The following DCDC1 variants were observed in gnomAD, a reference collection of about 807,000 sequenced individuals.
DCDC1 encodes doublecortin domain containing 1, also known as doublecortin domain-containing protein 1.
A neutral mutation model predicts 178.3 loss-of-function variants in DCDC1; 200 were observed. The ratio of observed to expected loss-of-function variants is 1.12; its 90% CI spans 1.00 to 1.26. The LOEUF (loss-of-function observed/expected upper bound fraction) is 1.26, where lower values mean the gene tolerates loss of function less well. Ranked by LOEUF, DCDC1 falls within the 50% of genes most tolerant of loss-of-function variation. The probability of loss-of-function intolerance (pLI) is 0.00; values close to 1 mark genes in which losing one functional copy is unlikely to be tolerated. For synonymous variants in DCDC1, 690 were observed against 604.8 expected (o/e 1.14, Z -2.07); for missense variants, 1,983 against 1,749.2 (o/e 1.13, Z -2.38).
intron 20 of DCDC1, among the ~76,000 whole-genome samples, chr11:30,957,767 A>G (rs573844360): frequency 2.2e-4 from 33 of 152,306 alleles, no homozygotes; most frequent in South Asian, 2.1e-3. Flanking sequence ...TGGGTGTGGT[A>G]ATATCCTTCA....
chr11:31,246,160 A>C (rs1364631089), intron 8 of DCDC1, among the ~76,000 whole-genome samples: 1 of 152,056 alleles, frequency 6.6e-6, no homozygotes, highest in African/African-American at 2.4e-5. Context: ...GCATTTCAAG[A>C]AGCACAGGGA....
intron 20 of DCDC1, among the ~76,000 whole-genome samples, chr11:31,038,862 TG>T (rs1954252180): frequency 6.8e-6 from 1 of 146,842 alleles, no homozygotes; most frequent in Admixed American, 6.8e-5. Context: ...TATCTTTTGA[TG>T]AAAAAAAAAA....
rs565604754 is a variant in DCDC1 at position 31,212,395 on chromosome 11, G to C, written c.1221+29055C>G. ...TCAAAACACACTAAAAAATGTATAA[G>C]ACAAAGGACAAATTTAGGGAGAAAT... On this transcript the variant is annotated intron_variant, in intron 9 of 38. Transcript: ENST00000684477. Among the ~76,000 whole-genome samples the C allele has an allele frequency of 1.7e-4, 26 of 151,974 alleles. 1 individual carries two copies. In the South Asian group the frequency reaches 5.2e-3, roughly 30 times the overall value.
chr11:31,325,033 A>G (rs897557197), intron 3 of DCDC1, among the ~76,000 whole-genome samples: 9 of 152,202 alleles, frequency 5.9e-5, no homozygotes, highest in African/African-American at 2.2e-4. Flanking sequence ...AAAAAATACT[A>G]TAACTTCCCA....
At chr11:31,315,450 C>T (rs1222029218) in intron 3 of DCDC1, among the ~76,000 whole-genome samples, 1 of 151,144 alleles carries the variant, frequency 6.6e-6, no homozygotes, top group African/African-American at 2.4e-5. Context: ...CATCCTCCTG[C>T]CTCAGCCTCC....
At chr11:30,973,476 C>T (rs977296139) in intron 20 of DCDC1, among the ~76,000 whole-genome samples, 7 of 151,912 alleles carry the variant, frequency 4.6e-5, no homozygotes, top group African/African-American at 7.3e-5. Context: ...TACAGCAATG[C>T]GAGAACACAT....
rs1415183926 is a variant in DCDC1 at position 31,253,354 on chromosome 11, AG to A, written c.1055-11739del. ...ATCGTAGATATTAGGAGAGTTTTGGAGATTTTTTTTTTTTTTTTTTGAGATG... is the reference window on the plus strand; with the variant it reads ...ATCGTAGATATTAGGAGAGTTTTGGAATTTTTTTTTTTTTTTTTTGAGATG... On this transcript the variant is annotated intron_variant, in intron 8 of 38. Coordinates refer to ENST00000684477, the MANE Select transcript of DCDC1 (RefSeq NM_001387274.1). Among the ~76,000 whole-genome samples the A allele has an allele frequency of 3.4e-3, 502 of 149,460 alleles. 3 individuals are homozygous for A. The highest frequency in any genetic ancestry group is 6.0e-3 in the Non-Finnish European group (402 of 67,218).
At chr11:31,194,530 C>G (rs1283391730) in intron 9 of DCDC1, among the ~76,000 whole-genome samples, 3 of 151,940 alleles carry the variant, frequency 2.0e-5, no homozygotes, top group African/African-American at 7.3e-5. Flanking sequence ...TAACTGAGAC[C>G]ATATTTTTAT....
chr11:31,341,418 GA>G, intron 1 of DCDC1, among the ~76,000 whole-genome samples: 1 of 149,442 alleles, frequency 6.7e-6, no homozygotes, highest in African/African-American at 2.5e-5. Context: ...TAGATAGATA[GA>G]TAGATAGATA....
intron 20 of DCDC1, among the ~76,000 whole-genome samples, chr11:31,008,634 C>T (rs942454936): frequency 3.3e-5 from 5 of 152,286 alleles, no homozygotes; most frequent in South Asian, 4.1e-4. Context: ...TATCTCTACA[C>T]GCACACACAA....
chr11:31,028,271 C>A (rs1444679354), intron 20 of DCDC1, among the ~76,000 whole-genome samples: 1 of 151,716 alleles, frequency 6.6e-6, no homozygotes, highest in African/African-American at 2.4e-5. Context: ...ATAATACAGA[C>A]CCTCTTGTAT....
At chr11:31,082,407 A>C (rs559731520) in intron 17 of DCDC1, among the ~76,000 whole-genome samples, 2 of 152,160 alleles carry the variant, frequency 1.3e-5, no homozygotes, top group Non-Finnish European at 2.9e-5. Flanking sequence ...CTCTGAAATC[A>C]TATGACTTCC....
chr11:31,250,200 C>T (rs1257298902), intron 8 of DCDC1, among the ~76,000 whole-genome samples: 1 of 151,382 alleles, frequency 6.6e-6, no homozygotes, highest in African/African-American at 2.4e-5. Context: ...TGTTTACAAA[C>T]CTCCTATTTA....
At chr11:31,326,485 G>A (rs1342696861) in intron 3 of DCDC1, among the ~76,000 whole-genome samples, 1 of 152,134 alleles carries the variant, frequency 6.6e-6, no homozygotes, top group Non-Finnish European at 1.5e-5. Context: ...AAAAATATGT[G>A]TAAGTACACA....
chr11:31,254,067 A>G (rs1565501840), intron 8 of DCDC1, among the ~76,000 whole-genome samples: 1 of 152,336 alleles, frequency 6.6e-6, no homozygotes, highest in Non-Finnish European at 1.5e-5. Flanking sequence ...ACTGAAAGTT[A>G]TAGGGCAAAA....
chr11:31,176,661 C>T (rs1319155827), intron 9 of DCDC1, among the ~76,000 whole-genome samples: 1 of 152,042 alleles, frequency 6.6e-6, no homozygotes, highest in Non-Finnish European at 1.5e-5. Flanking sequence ...AGAAAAGTAT[C>T]AAGTCACATA....
At chr11:31,306,625 CAT>C (rs1157090093) in intron 4 of DCDC1, among the ~76,000 whole-genome samples, 1 of 151,648 alleles carries the variant, frequency 6.6e-6, no homozygotes, top group East Asian at 1.9e-4. Flanking sequence ...TCATATAAAA[CAT>C]ATATATCAGA....
At chr11:30,958,801 G>A (rs1948912892) in intron 20 of DCDC1, among the ~76,000 whole-genome samples, 1 of 152,080 alleles carries the variant, frequency 6.6e-6, no homozygotes, top group African/African-American at 2.4e-5. Context: ...GCCAGTGGAT[G>A]CAATAAGTCT....
intron 9 of DCDC1, among the ~76,000 whole-genome samples, chr11:31,168,989 C>A (rs1391951309): frequency 6.6e-6 from 1 of 152,054 alleles, no homozygotes; most frequent in Non-Finnish European, 1.5e-5. Flanking sequence ...AACCTAAATT[C>A]CCATCAATGA....
Sources: gnomAD v4.1 joint callset for allele counts (sites outside exome capture counted in the v4.1 genomes callset) on GRCh38, gnomAD v4.1.1 for gene constraint, MANE v1.5 for transcripts, NCBI Gene and HGNC (gene_info 2026-07-23, HGNC 2026-07-21) for gene names.